The following ASS1 variants were observed in gnomAD, a reference collection of about 807,000 sequenced individuals.
The protein encoded by ASS1 is argininosuccinate synthase.
A neutral mutation model predicts 60.5 loss-of-function variants in ASS1; 58 were observed. The ratio of observed to expected loss-of-function variants is 0.96; its 90% CI spans 0.78 to 1.19. ASS1 has a LOEUF of 1.19. Among genes scored for constraint, ASS1 ranks in the 50% most tolerant of loss-of-function variants. The pLI is 0.00. For missense variants in ASS1, 454 were observed against 547.3 expected (o/e 0.83, Z 1.70); for synonymous variants, 200 against 206.9 (o/e 0.97, Z 0.29).
At position 130,499,514 on chromosome 9, in the gene ASS1, G is replaced by A. The variant is rs1332873333; in HGVS notation, c.1137G>A (p.Val379=). 6.2e-7 allele frequency: 1 copy of A among 1,613,780 alleles called. No individual in the cohort carries two copies. Among genetic ancestry groups the A allele is most frequent in the Non-Finnish European group, 8.5e-7 (1 of 1,179,894 alleles). ...TCTACTCTCCTTGCAGCATGAACGT[G>A]CAGGGTGATTATGAGCCAACTGATG... is the stretch of plus-strand genomic sequence containing the variant. ...LYNEELVSMN[V]QGDYEPTDAT... is the part of the protein sequence containing the mutation. Residue 379 remains valine, a synonymous_variant, in exon 14 of 15, where the codon GTG becomes GTA. Transcript: ENST00000352480.
intron 14 of ASS1, among the ~76,000 whole-genome samples, chr9:130,500,009 G>A (rs576589196): frequency 6.6e-6 from 1 of 152,340 alleles, no homozygotes; most frequent in East Asian, 1.9e-4. Context: ...CCAGGAGGGT[G>A]GTGCACGTCA....
chr9:130,457,766 G>C (rs777432953), intron 3 of ASS1, among the ~76,000 whole-genome samples: 1 of 152,264 alleles, frequency 6.6e-6, no homozygotes, highest in Middle Eastern at 3.4e-3. Context: ...ACCGTCTCTG[G>C]TTGGGAACTA....
chr9:130,500,160 G>A (rs1210139841), intron 14 of ASS1, among the ~76,000 whole-genome samples: 3 of 152,202 alleles, frequency 2.0e-5, no homozygotes, highest in African/African-American at 7.2e-5. Flanking sequence ...TGGCATGCAG[G>A]AAGAGCCAGG....
rs927558109 is a variant in ASS1 at position 130,482,365 on chromosome 9, A to G, written c.838+1916A>G. ...GTTCCAGTATTGCACCTGTCTTATCATAATAAGGGCCTGCCACAGGCATGC... is the reference window on the plus strand; with the variant it reads ...GTTCCAGTATTGCACCTGTCTTATCGTAATAAGGGCCTGCCACAGGCATGC... On this transcript the variant is annotated intron_variant, in intron 11 of 14. Coordinates refer to ENST00000352480, the MANE Select transcript of ASS1 (RefSeq NM_054012.4). 5.9e-5 allele frequency among the ~76,000 whole-genome samples: 9 copies of G among 151,462 alleles called. No individual in the cohort carries two copies. In the South Asian group the frequency reaches 1.3e-3, roughly 21 times the overall value.
intron 11 of ASS1, among the ~76,000 whole-genome samples, chr9:130,485,164 A>G (rs1846278027): frequency 1.3e-5 from 2 of 152,146 alleles, no homozygotes; most frequent in South Asian, 2.1e-4. Context: ...TCGAGCCCTG[A>G]ACCCCACCTG....
intron 1 of ASS1, chr9:130,451,533 C>T (rs1391491189): frequency 3.0e-5 from 10 of 331,472 alleles, no homozygotes; most frequent in Non-Finnish European, 5.3e-5. Flanking sequence ...GTGAAGGTTC[C>T]ATGGGGTTGC....
In ASS1 at chr9:130,488,882, G is replaced by A. The variant is rs1177890867; in HGVS notation, c.839-451G>A. On this transcript the variant is annotated intron_variant, in intron 11 of 14. Coordinates refer to ENST00000352480, the MANE Select transcript of ASS1 (RefSeq NM_054012.4). This position sits in a 1 kb window ranked among gnomAD's most constrained non-coding sequence, Gnocchi z 5.2. ...GCCGCAGGGGCCCCATGGGCTGAAG[G>A]TGGCATGTGTGTACACATGTGTACA... is the stretch of plus-strand genomic sequence containing the variant. 6.6e-6 allele frequency among the ~76,000 whole-genome samples: 1 copy of A among 152,234 alleles called. No homozygotes were observed. The highest frequency in any genetic ancestry group is 1.5e-5 in the Non-Finnish European group (1 of 68,052).
intron 1 of ASS1, among the ~76,000 whole-genome samples, chr9:130,445,912 G>A (rs1410346155): frequency 6.6e-6 from 1 of 152,112 alleles, no homozygotes; most frequent in East Asian, 1.9e-4. Context: ...AGGGGACTTG[G>A]GCTTTGATCC....
chr9:130,448,182 AG>A (rs933094238), intron 1 of ASS1, among the ~76,000 whole-genome samples: 2 of 151,800 alleles, frequency 1.3e-5, no homozygotes, highest in African/African-American at 4.8e-5. Flanking sequence ...AGGCTGAGGG[AG>A]GGGGGTGCCC....
rs75950322 is a variant in ASS1 at position 130,452,131 on chromosome 9, C to T, written c.-5-93C>T. 1.1e-3 allele frequency: 1,215 copies of T among 1,123,830 alleles called. 13 individuals are homozygous for T. In the African/African-American group the frequency reaches 0.017, roughly 16 times the overall value. The allele number at this position is 1,123,830 out of a possible 1,614,324, so 69.6% of individuals were successfully genotyped here. ...AGCTTGCCCAGGAGACAAGGCTGTC[C>T]AAGGCCAAGGTCGGGGCTGGGCTGT... On this transcript the variant is annotated intron_variant, in intron 1 of 14. Transcript: ENST00000352480.
chr9:130,481,243 G>T (rs1310468211), intron 11 of ASS1, among the ~76,000 whole-genome samples: 1 of 152,116 alleles, frequency 6.6e-6, no homozygotes, highest in Non-Finnish European at 1.5e-5. Flanking sequence ...CTCCCTGAGG[G>T]TCTGCCAGTG....
At chr9:130,458,332 C>T in intron 3 of ASS1, 69 bp from the exon 4 acceptor site, 5 of 1,601,072 alleles carry the variant, frequency 3.1e-6, no homozygotes, top group Non-Finnish European at 8.5e-7. Context: ...GCTGAGGCCC[C>T]TGGGGCTCTG....
At chr9:130,481,418 T>G (rs596317) in intron 11 of ASS1, among the ~76,000 whole-genome samples, 137,406 of 152,174 alleles carry the variant, frequency 0.9, 63,600 homozygotes, top group East Asian at 1. Flanking sequence ...AGGGTTGATT[T>G]GAAAAGATAC....
chr9:130,473,326 A>C (rs1845919086), intron 8 of ASS1, among the ~76,000 whole-genome samples: 1 of 152,174 alleles, frequency 6.6e-6, no homozygotes, highest in Admixed American at 6.5e-5. Context: ...GCAAGCCCTC[A>C]GTCATGCAGC....
At chr9:130,484,307 T>A (rs951331329) in intron 11 of ASS1, among the ~76,000 whole-genome samples, 1 of 152,158 alleles carries the variant, frequency 6.6e-6, no homozygotes, top group Non-Finnish European at 1.5e-5. Flanking sequence ...AAATTGCTCA[T>A]TCTGCCTAAC....
rs191725468 is a variant in ASS1, at chr9:130,483,569, G to T, written c.838+3120G>T. Among the ~76,000 whole-genome samples the T allele has an allele frequency of 3.7e-3, 561 of 151,848 alleles. 3 individuals are homozygous for T. Among genetic ancestry groups the T allele is most frequent in the Middle Eastern group, 0.01 (3 of 288 alleles). On this transcript the variant is annotated intron_variant, in intron 11 of 14. Coordinates refer to ENST00000352480, the MANE Select transcript of ASS1 (RefSeq NM_054012.4). ...AAATGAAATCAGTGGGGAGGAGAAG[G>T]GGGGCAAGGCAGGCCGGAGGGAAGC...
intron 3 of ASS1, among the ~76,000 whole-genome samples, chr9:130,454,616 T>A (rs1845397692): frequency 6.6e-6 from 1 of 152,204 alleles, no homozygotes; most frequent in Non-Finnish European, 1.5e-5. Flanking sequence ...TACCTTCCCT[T>A]CTCTTTTATC....
At chr9:130,484,845 G>A (rs1473406288) in intron 11 of ASS1, among the ~76,000 whole-genome samples, 2 of 151,866 alleles carry the variant, frequency 1.3e-5, no homozygotes, top group African/African-American at 4.8e-5. Context: ...GCGCGCGCGC[G>A]TCGGCAGCAA....
intron 11 of ASS1, among the ~76,000 whole-genome samples, chr9:130,481,457 T>C (rs1273852266): frequency 1.3e-5 from 2 of 152,164 alleles, no homozygotes; most frequent in Non-Finnish European, 2.9e-5. Context: ...GGCCACGGTA[T>C]AGTCACGGCC....
Sources: allele counts gnomAD v4.1 joint callset (sites outside exome capture counted in the v4.1 genomes callset), GRCh38; gene constraint gnomAD v4.1.1; non-coding constraint Gnocchi (gnomAD v3.1); transcripts MANE v1.5; gene names NCBI Gene and HGNC (gene_info 2026-07-23, HGNC 2026-07-21).